SUMO3: variants seen among roughly 807,000 people sequenced by gnomAD.
SUMO3 encodes small ubiquitin-related modifier 3.
In SUMO3, 2 loss-of-function variants were observed where a neutral mutation model predicts 11.1. That is an observed-to-expected ratio of 0.18 (90% confidence interval 0.07 to 0.57). The LOEUF (loss-of-function observed/expected upper bound fraction) is 0.57. SUMO3 is among the 20% of genes least tolerant of loss of function. The probability of loss-of-function intolerance (pLI) is 0.92; values close to 1 mark genes in which losing one functional copy is unlikely to be tolerated. For missense variants in SUMO3, 70 were observed against 132.8 expected (o/e 0.53, Z 2.32); for synonymous variants, 56 against 53.5 (o/e 1.05, Z -0.20).
rs2083179445 is a variant in SUMO3 at position 44,806,698 on chromosome 21, C to G, written c.*253G>C. 2.1e-6 allele frequency: 2 copies of G among 935,828 alleles called. No individual in the cohort carries two copies. Among genetic ancestry groups the G allele is most frequent in the African/African-American group, 3.4e-5 (2 of 58,848 alleles). The allele number at this position is 935,828 out of a possible 1,614,324, so 58.0% of individuals were successfully genotyped here. A position where few individuals can be genotyped will look rare whatever the true frequency, so the allele number is the denominator to read the frequency against. The stretch of plus-strand genomic sequence containing the variant: ...GAGGGGGGGAAAACACAAATGAGCA[C>G]ACAAAAGTACCCACAATATCTTGCA... On this transcript the variant is annotated 3_prime_UTR_variant, in exon 4 of 4. Coordinates refer to ENST00000332859, the MANE Select transcript of SUMO3 (RefSeq NM_006936.3).
At position 44,806,971 on chromosome 21, in the gene SUMO3, G is replaced by A; in HGVS notation, c.292C>T (p.Leu98=). ...GCCCTCTAGAAACTGTGCCCTGCCA[G>A]GCTGCTCTCCGGCACACCTCCCGTC... ...QQTGGVPESS[L]AGHSF The change falls in exon 4 of 4, where the codon CTG becomes TTG. Residue 98 remains leucine, a synonymous_variant. Coordinates refer to ENST00000332859, the MANE Select transcript of SUMO3 (RefSeq NM_006936.3). 6.2e-7 allele frequency: 1 copy of A among 1,614,112 alleles called. No homozygotes were observed. The highest frequency in any genetic ancestry group is 8.5e-7 in the Non-Finnish European group (1 of 1,180,022).
rs3746969 is a variant in SUMO3, at chr21:44,809,121, G to A, written c.151-3C>T. ...CTGATCTGCCTCATTGACAAGCCCT[G>A]GAAAGGAAAAGCAGTGGCCATTAGT... On this transcript the variant is annotated splice_region_variant and splice_polypyrimidine_tract_variant and intron_variant, in intron 2 of 3. Transcript: ENST00000332859. The A allele has an allele frequency of 8.1e-6, 13 of 1,613,908 alleles. No individual in the cohort carries two copies. The East Asian group carries it at 2.9e-4, about 36-fold the overall frequency.
In SUMO3 at chr21:44,811,096, A is replaced by C. The variant is rs540142409; in HGVS notation, c.151-1978T>G. ...CACGAATGCACACATGCACACACCC[A>C]CATACACACACATGCACACACCCAC... On this transcript the variant is annotated intron_variant, in intron 2 of 3. Transcript: ENST00000332859. This position sits in a 1 kb window ranked among gnomAD's most constrained non-coding sequence, Gnocchi z 5.0. 2.7e-5 allele frequency among the ~76,000 whole-genome samples: 4 copies of C among 150,068 alleles called. No individual in the cohort carries two copies. The highest frequency in any genetic ancestry group is 2.6e-4 in the Admixed American group (4 of 15,128).
chr21:44,808,908 TAAATAATC>T (rs1282536079), intron 3 of SUMO3, 131 bp downstream of exon 3: 4 of 740,386 alleles, frequency 5.4e-6, no homozygotes, highest in Non-Finnish European at 2.3e-6. Flanking sequence ...ATGTGAAAAA[TAAATAATC>T]TAATAATCAA....
At chr21:44,808,458 T>G (rs913698924) in intron 3 of SUMO3, 51 of 1,413,290 alleles carry the variant, frequency 3.6e-5, no homozygotes, top group Non-Finnish European at 4.8e-5. Context: ...GCTTGCACAG[T>G]GAGCTGAGAC....
chr21:44,814,143 TC>T (rs1404463701), intron 1 of SUMO3, 39 bp from the exon 2 acceptor site: 6 of 1,594,244 alleles, frequency 3.8e-6, no homozygotes, highest in South Asian at 3.3e-5. Flanking sequence ...AAACTGTGTC[TC>T]AAAATAACCG....
chr21:44,808,605 A>AT, intron 3 of SUMO3: 1 of 1,371,340 alleles, frequency 7.3e-7, no homozygotes, highest in East Asian at 2.8e-5. Context: ...TCATGTCTGC[A>AT]TGTGCCTGAG....
At chr21:44,817,165 G>A (rs1415555644) in intron 1 of SUMO3, among the ~76,000 whole-genome samples, 6 of 146,684 alleles carry the variant, frequency 4.1e-5, no homozygotes, top group Non-Finnish European at 9.0e-5. Context: ...CACCATGGGG[G>A]GCGTGATGGG....
chr21:44,806,762 C>A lies in SUMO3; in HGVS notation c.*189G>T. 2 of 1,355,642 alleles carry A rather than the reference C, an allele frequency of 1.5e-6. No homozygotes were observed. Among genetic ancestry groups the A allele is most frequent in the Non-Finnish European group, 9.6e-7 (1 of 1,036,668 alleles). The allele number at this position is 1,355,642 out of a possible 1,614,324, so 84.0% of individuals were successfully genotyped here. Reference sequence around the variant, plus strand: ...GAACAAAGATAACAATTCTGATTGGCCCAATTTAAGTTACAGATTCATCCC... The same window carrying A: ...GAACAAAGATAACAATTCTGATTGGACCAATTTAAGTTACAGATTCATCCC... On this transcript the variant is annotated 3_prime_UTR_variant, in exon 4 of 4. Transcript: ENST00000332859.
In SUMO3 at chr21:44,807,052, G is replaced by A. The variant is rs367719710; in HGVS notation, c.223-12C>T. 53 of 1,613,334 alleles carry A rather than the reference G, an allele frequency of 3.3e-5. No homozygotes were observed. The highest frequency in any genetic ancestry group is 4.4e-5 in the Non-Finnish European group (52 of 1,179,810). On this transcript the variant is annotated splice_polypyrimidine_tract_variant and intron_variant, in intron 3 of 3. Transcript: ENST00000332859. The surrounding 1 kb of genome is among the most constrained non-coding windows in gnomAD (Gnocchi z 4.3). ...TCCTCCATCTCCAGCTGTCATGGTT[G>A]TCACAACAGGCACAGCGAGAGAGAG...
chr21:44,815,303 G>A (rs144905450), intron 1 of SUMO3, among the ~76,000 whole-genome samples: 1 of 152,272 alleles, frequency 6.6e-6, no homozygotes, highest in East Asian at 1.9e-4. Context: ...GAGACCCTGG[G>A]GAGGCATGGT....
chr21:44,813,952 C>A, intron 2 of SUMO3, 24 bp downstream of exon 2: 1 of 1,607,216 alleles, frequency 6.2e-7, no homozygotes, highest in African/African-American at 1.3e-5. Context: ...CGGGGAGGCT[C>A]TGCGGGGGAG....
At chr21:44,813,138 C>T (rs2083222340) in intron 2 of SUMO3, among the ~76,000 whole-genome samples, 1 of 152,220 alleles carries the variant, frequency 6.6e-6, no homozygotes, top group South Asian at 2.1e-4. Flanking sequence ...GGAAATCTAA[C>T]TGAAAATCCA....
chr21:44,807,178 G>C lies in SUMO3; in HGVS notation c.223-138C>G. ...CCTGGTCACACCTTGGCTCTTGTCCGTCCCCTCACTGCAGCTCAGCACGCA... is the reference window on the plus strand; with the variant it reads ...CCTGGTCACACCTTGGCTCTTGTCCCTCCCCTCACTGCAGCTCAGCACGCA... On this transcript the variant is annotated intron_variant, in intron 3 of 3. Coordinates refer to ENST00000332859, the MANE Select transcript of SUMO3 (RefSeq NM_006936.3). This position sits in a 1 kb window ranked among gnomAD's most constrained non-coding sequence, Gnocchi z 4.3. The C allele has an allele frequency of 9.6e-7, 1 of 1,041,870 alleles. No individual in the cohort carries two copies. The highest frequency in any genetic ancestry group is 1.4e-6 in the Non-Finnish European group (1 of 721,698). The allele number at this position is 1,041,870 out of a possible 1,614,324, so 64.5% of individuals were successfully genotyped here. A position where few individuals can be genotyped will look rare whatever the true frequency, so the allele number is the denominator to read the frequency against.
chr21:44,817,896 G>GAGGC (rs2146430074), intron 1 of SUMO3, 52 bp downstream of exon 1: 7 of 172 alleles, frequency 0.041, no homozygotes, highest in Admixed American at 0.33. Context: ...AGCCGGGCTG[G>GAGGC]GGGCGGGACG....
Position 44,816,946 on chromosome 21 carries a change from G to A in SUMO3, c.21+1002C>T, listed in dbSNP as rs1450660952. Reference sequence around the variant, plus strand: ...CATCGTGGAGGGGGTGATGGGGAGGGGTGGACGCACACTGGGGGTGTGATG... The same window carrying A: ...CATCGTGGAGGGGGTGATGGGGAGGAGTGGACGCACACTGGGGGTGTGATG... On this transcript the variant is annotated intron_variant, in intron 1 of 3. Transcript: ENST00000332859. 5.3e-5 allele frequency among the ~76,000 whole-genome samples: 7 copies of A among 131,834 alleles called. No individual in the cohort carries two copies. The South Asian group carries it at 1.5e-3, about 29-fold the overall frequency. 86.5% of individuals were successfully genotyped at this position (131,834 alleles called of 152,430 possible).
rs774591189 is a variant in SUMO3, at chr21:44,817,976, CGAGCGGCGCGGGG to C, written c.-21_-9del. The C allele has an allele frequency of 2.3e-5, 27 of 1,178,806 alleles. No individual in the cohort carries two copies. The South Asian group carries it at 2.5e-4, about 11-fold the overall frequency. 73.0% of individuals were successfully genotyped at this position (1,178,806 alleles called of 1,614,324 possible). A position where few individuals can be genotyped will look rare whatever the true frequency, so the allele number is the denominator to read the frequency against. On this transcript the variant is annotated 5_prime_UTR_variant, in exon 1 of 4. Coordinates refer to ENST00000332859, the MANE Select transcript of SUMO3 (RefSeq NM_006936.3). ...GGGCTTCTCCTCGGACATGGCTGCG[CGAGCGGCGCGGGG>C]AGGCGGCGCGGGGGAAGCAGCGCGG... is the stretch of plus-strand genomic sequence containing the variant.
chr21:44,817,402 G>C (rs1014540805), intron 1 of SUMO3, among the ~76,000 whole-genome samples: 3 of 152,012 alleles, frequency 2.0e-5, no homozygotes, highest in African/African-American at 7.3e-5. Flanking sequence ...TGGGCGCCCT[G>C]GAAGGACGGC....
rs2083212280 is a variant in SUMO3 at position 44,811,490 on chromosome 21, T to G, written c.151-2372A>C. On this transcript the variant is annotated intron_variant, in intron 2 of 3. Coordinates refer to ENST00000332859, the MANE Select transcript of SUMO3 (RefSeq NM_006936.3). The surrounding 1 kb of genome is among the most constrained non-coding windows in gnomAD (Gnocchi z 5.0). ...GGGAGGCTGAGGTGGGAGGATCACTTGAGCCCCAGGGCTCAAGGCTGCAGT... is the reference window on the plus strand; with the variant it reads ...GGGAGGCTGAGGTGGGAGGATCACTGGAGCCCCAGGGCTCAAGGCTGCAGT... 6.6e-6 allele frequency among the ~76,000 whole-genome samples: 1 copy of G among 152,106 alleles called. No individual in the cohort carries two copies. The highest frequency in any genetic ancestry group is 1.5e-5 in the Non-Finnish European group (1 of 68,030).
Sources: gnomAD v4.1 joint callset for allele counts (sites outside exome capture counted in the v4.1 genomes callset) on GRCh38, gnomAD v4.1.1 for gene constraint, Gnocchi (gnomAD v3.1) non-coding constraint, MANE v1.5 for transcripts, NCBI Gene and HGNC (gene_info 2026-07-23, HGNC 2026-07-21) for gene names.